Variants in SLC24A3 observed in about 807,000 individuals in gnomAD.
SLC24A3 encodes sodium/potassium/calcium exchanger 3.
Under a neutral mutation model 75.8 loss-of-function variants are expected in SLC24A3, and 28 were observed. The observed-to-expected ratio is 0.37, with a 90% confidence interval of 0.27 to 0.51. The LOEUF (loss-of-function observed/expected upper bound fraction) is 0.51. Among genes scored for constraint, SLC24A3 ranks in the 20% least tolerant of loss-of-function variants. SLC24A3 has a pLI of 0.94. For missense variants in SLC24A3, 663 were observed against 847.8 expected, an observed-to-expected ratio of 0.78 and a Z score of 2.71; for synonymous variants, 372 against 334.1, an observed-to-expected ratio of 1.11 and a Z score of -1.24.
At chr20:19,471,866 G>A (rs1025902230) in intron 2 of SLC24A3, among the ~76,000 whole-genome samples, 28 of 151,958 alleles carry the variant, frequency 1.8e-4, no homozygotes, top group African/African-American at 6.5e-4. Context: ...AATTTCAAAC[G>A]GTTCCTTTAA....
intron 3 of SLC24A3, among the ~76,000 whole-genome samples, chr20:19,528,778 C>T (rs574199064): frequency 7.2e-5 from 11 of 152,126 alleles, no homozygotes; most frequent in Non-Finnish European, 1.3e-4. Context: ...GTACTGTGGA[C>T]CACAGGAATT....
chr20:19,372,309 A>C (rs901443619), intron 2 of SLC24A3, among the ~76,000 whole-genome samples: 1 of 152,182 alleles, frequency 6.6e-6, no homozygotes, highest in Admixed American at 6.5e-5. Flanking sequence ...ATATAAAGAG[A>C]CCATAAAGGA....
intron 2 of SLC24A3, among the ~76,000 whole-genome samples, chr20:19,412,147 C>A (rs979142945): frequency 1.3e-5 from 2 of 152,108 alleles, no homozygotes; most frequent in Non-Finnish European, 2.9e-5. Flanking sequence ...TGCATTTGGC[C>A]TGCAAATTTA....
chr20:19,386,153 C>T (rs565228604), intron 2 of SLC24A3, among the ~76,000 whole-genome samples: 3 of 152,020 alleles, frequency 2.0e-5, no homozygotes, highest in Non-Finnish European at 4.4e-5. Flanking sequence ...TAAATTTATT[C>T]GAAGTATTTT....
At chr20:19,232,792 A>G (rs917447225) in intron 1 of SLC24A3, among the ~76,000 whole-genome samples, 5 of 152,232 alleles carry the variant, frequency 3.3e-5, no homozygotes, top group African/African-American at 1.2e-4. Flanking sequence ...CTCACCTGGC[A>G]TCAGGTGTCC....
rs1568589763 is a variant in SLC24A3 at position 19,325,757 on chromosome 20, C to CATATATAT, written c.271+44673_271+44674insTATATATA. Among the ~76,000 whole-genome samples, 27 of 39,546 alleles carry CATATATAT rather than the reference C, an allele frequency of 6.8e-4. 2 individuals carry two copies. The highest frequency in any genetic ancestry group is 1.2e-3 in the East Asian group (2 of 1,668). 25.9% of individuals were successfully genotyped at this position (39,546 alleles called of 152,430 possible). A position where few individuals can be genotyped will look rare whatever the true frequency, so the allele number is the denominator to read the frequency against. The stretch of plus-strand genomic sequence containing the variant: ...ATGTGTGTGTGTGTGTGTGTGTATA[C>CATATATAT]ATACATACATATATATATACATATA... On this transcript the variant is annotated intron_variant, in intron 2 of 16. Transcript: ENST00000328041.
At chr20:19,572,476 C>T (rs1300102179) in intron 3 of SLC24A3, among the ~76,000 whole-genome samples, 1 of 152,220 alleles carries the variant, frequency 6.6e-6, no homozygotes, top group African/African-American at 2.4e-5. Context: ...CTCAGGGGTA[C>T]TGATATGCCA....
chr20:19,711,504 G>T (rs1389228076), intron 15 of SLC24A3, among the ~76,000 whole-genome samples: 14 of 147,140 alleles, frequency 9.5e-5, no homozygotes, highest in Admixed American at 9.5e-4. Flanking sequence ...GCACACACGT[G>T]CATGCAAACA....
At chr20:19,603,248 G>A (rs913503262) in intron 6 of SLC24A3, among the ~76,000 whole-genome samples, 3 of 152,114 alleles carry the variant, frequency 2.0e-5, no homozygotes, top group Non-Finnish European at 4.4e-5. Context: ...TTTTGGTCTG[G>A]GCAGTCCTGG....
intron 3 of SLC24A3, among the ~76,000 whole-genome samples, chr20:19,538,188 G>C (rs1220769040): frequency 6.6e-6 from 1 of 152,110 alleles, no homozygotes; most frequent in Non-Finnish European, 1.5e-5. Context: ...TAGGGTTGAG[G>C]TTCAGCCTTG....
chr20:19,302,142 C>T (rs1984210495), intron 2 of SLC24A3, among the ~76,000 whole-genome samples: 1 of 152,184 alleles, frequency 6.6e-6, no homozygotes, highest in Admixed American at 6.5e-5. Context: ...TTCTAACCAC[C>T]TTCCTAAACT....
chr20:19,497,627 TG>T (rs938126390), intron 2 of SLC24A3, among the ~76,000 whole-genome samples: 3 of 152,176 alleles, frequency 2.0e-5, no homozygotes, highest in African/African-American at 7.2e-5. Flanking sequence ...CGTCTAATGT[TG>T]ATCCTGAAGA....
At chr20:19,618,638 T>A (rs887517975) in intron 6 of SLC24A3, among the ~76,000 whole-genome samples, 1 of 152,218 alleles carries the variant, frequency 6.6e-6, no homozygotes, top group African/African-American at 2.4e-5. Context: ...TAGGTGACCT[T>A]AACCAAGTGC....
At chr20:19,559,245 C>T (rs1190547826) in intron 3 of SLC24A3, among the ~76,000 whole-genome samples, 1 of 152,134 alleles carries the variant, frequency 6.6e-6, no homozygotes, top group African/African-American at 2.4e-5. Flanking sequence ...TCATCACCTT[C>T]TTGTTCATTA....
At chr20:19,546,407 C>T (rs951840821) in intron 3 of SLC24A3, among the ~76,000 whole-genome samples, 1 of 152,116 alleles carries the variant, frequency 6.6e-6, no homozygotes, top group African/African-American at 2.4e-5. Context: ...TTCCTTCTCC[C>T]ATCTTTTAAA....
chr20:19,474,773 A>G lies in SLC24A3; in HGVS notation c.272-40715A>G, dbSNP rs191238471. On this transcript the variant is annotated intron_variant, in intron 2 of 16. Coordinates refer to ENST00000328041, the MANE Select transcript of SLC24A3 (RefSeq NM_020689.4). ...AGATCTACTCTCTTAACAATTTTCAATTGTACAGCATCTCATTACTACCAT... is the reference window on the plus strand; with the variant it reads ...AGATCTACTCTCTTAACAATTTTCAGTTGTACAGCATCTCATTACTACCAT... Among the ~76,000 whole-genome samples the G allele has an allele frequency of 3.3e-3, 495 of 152,276 alleles. 4 individuals carry two copies. The highest frequency in any genetic ancestry group is 0.011 in the African/African-American group (465 of 41,538).
At chr20:19,611,894 A>C (rs1600302540) in intron 6 of SLC24A3, among the ~76,000 whole-genome samples, 1 of 152,212 alleles carries the variant, frequency 6.6e-6, no homozygotes, top group Non-Finnish European at 1.5e-5. Flanking sequence ...CACTCCTGGA[A>C]TCGTTGCTTC....
intron 2 of SLC24A3, among the ~76,000 whole-genome samples, chr20:19,509,394 G>A (rs1988503795): frequency 6.6e-6 from 1 of 152,236 alleles, no homozygotes; most frequent in African/African-American, 2.4e-5. Flanking sequence ...CCAGCCATCA[G>A]CTCTGGGAGG....
chr20:19,252,587 G>C (rs934701185), intron 1 of SLC24A3, among the ~76,000 whole-genome samples: 9 of 145,738 alleles, frequency 6.2e-5, no homozygotes, highest in Non-Finnish European at 1.3e-4. Flanking sequence ...ATTCAAAGCT[G>C]TTCTCTTTTC....
Sources: allele counts gnomAD v4.1 joint callset (sites outside exome capture counted in the v4.1 genomes callset), GRCh38; gene constraint gnomAD v4.1.1; transcripts MANE v1.5; gene names NCBI Gene and HGNC (gene_info 2026-07-23, HGNC 2026-07-21).